PLCG2: variants seen among roughly 807,000 people sequenced by gnomAD.
PLCG2 encodes the protein phospholipase C gamma 2, also known as 1-phosphatidylinositol 4,5-bisphosphate phosphodiesterase gamma-2.
PLCG2 carries 69 observed loss-of-function variants against 175.6 expected under a neutral mutation model. That is an observed-to-expected ratio of 0.39 (90% CI 0.32 to 0.48). PLCG2 has a LOEUF of 0.48. PLCG2 is among the 20% of genes least tolerant of loss of function. The pLI, the probability that PLCG2 is intolerant of heterozygous loss-of-function variation, is 0.91. For synonymous variants in PLCG2, 827 were observed against 624.0 expected (o/e 1.33, Z -4.85); for missense variants, 1,798 against 1,650.9 (o/e 1.09, Z -1.54).
intron 1 of PLCG2, among the ~76,000 whole-genome samples, chr16:81,750,397 G>A (rs1401325790): frequency 7.0e-6 from 1 of 142,832 alleles, no homozygotes; most frequent in Non-Finnish European, 1.5e-5. Flanking sequence ...TCCAGCCTGG[G>A]TGGTGATAGA....
chr16:81,819,002 A>G lies in PLCG2; in HGVS notation c.193+32820A>G, dbSNP rs547374052. 6.0e-5 allele frequency among the ~76,000 whole-genome samples: 9 copies of G among 149,008 alleles called. No homozygotes were observed. In the South Asian group the frequency reaches 1.9e-3, roughly 31 times the overall value. On this transcript the variant is annotated intron_variant, in intron 2 of 32. Transcript: ENST00000564138. ...CACTGTCATCTTATTTCATCCTTCT[A>G]GGCCCACCATGAGGCAGGTGTAACT... is the stretch of plus-strand genomic sequence containing the variant.
At chr16:81,891,435 A>G (rs757726752) in intron 10 of PLCG2, 37 bp from the exon 11 acceptor site, 4 of 1,130,182 alleles carry the variant, frequency 3.5e-6, no homozygotes, top group Admixed American at 3.4e-5. Flanking sequence ...CCTGCCCGTC[A>G]ACGTGATGAT....
At position 81,921,167 on chromosome 16, in the gene PLCG2, A is replaced by G. The variant is rs759734120; in HGVS notation, c.2236-31A>G. ...AAGGGCTATTCCAGGAGCATGGATTATTCCATTTCTTTCTTTCTTTTTTTT... is the reference window on the plus strand; with the variant it reads ...AAGGGCTATTCCAGGAGCATGGATTGTTCCATTTCTTTCTTTCTTTTTTTT... On this transcript the variant is annotated intron_variant, in intron 20 of 32. Coordinates refer to ENST00000564138, the MANE Select transcript of PLCG2 (RefSeq NM_002661.5). 2.2e-6 allele frequency: 3 copies of G among 1,335,968 alleles called. No homozygotes were observed. The Admixed American group carries it at 5.0e-5, about 22-fold the overall frequency. 82.8% of individuals were successfully genotyped at this position (1,335,968 alleles called of 1,614,324 possible).
intron 1 of PLCG2, among the ~76,000 whole-genome samples, chr16:81,743,865 C>CTT (rs200988694): frequency 2.0e-4 from 29 of 146,740 alleles, no homozygotes; most frequent in East Asian, 1.8e-3. Context: ...TTTTCTTTTT[C>CTT]TTTTTTTTTT....
At chr16:81,749,412 G>C (rs909807458) in intron 1 of PLCG2, among the ~76,000 whole-genome samples, 3 of 152,138 alleles carry the variant, frequency 2.0e-5, no homozygotes, top group African/African-American at 7.2e-5. Flanking sequence ...GAGTGCAGTG[G>C]TGTGATCTTG....
chr16:81,925,453 G>A (rs759029683), intron 22 of PLCG2, among the ~76,000 whole-genome samples: 4 of 142,532 alleles, frequency 2.8e-5, no homozygotes, highest in Admixed American at 1.4e-4. Context: ...GAAATGGTGC[G>A]GGGGGGCGTG....
chr16:81,935,348 C>T (rs1910662992), intron 26 of PLCG2, among the ~76,000 whole-genome samples: 1 of 152,064 alleles, frequency 6.6e-6, no homozygotes, highest in Admixed American at 6.6e-5. Flanking sequence ...TTAATCACAC[C>T]TGCAAAGTCT....
Position 81,908,422 on chromosome 16 carries a change from C to T in PLCG2, c.1564C>T (p.Pro522Ser), listed in dbSNP as rs1231256206. ...TMEEEVPQDI[P>S]PTELHFGEKW... ...TCCTCTCTTTGCGGCCCAGGATATA[C>T]CCCCTACAGAACTACATTTTGGGGA... Residue 522 changes from proline (P) to serine (S), a missense_variant, in exon 17 of 33, where the codon CCC becomes TCC. Physicochemically the swap from Pro to Ser is moderately conservative, Grantham distance 74 (BLOSUM62 -1). Coordinates refer to ENST00000564138, the MANE Select transcript of PLCG2 (RefSeq NM_002661.5). 8 of 1,613,468 alleles carry T rather than the reference C, an allele frequency of 5.0e-6. No homozygotes were observed. Among genetic ancestry groups the T allele is most frequent in the African/African-American group, 1.3e-5 (1 of 74,914 alleles).
chr16:81,753,504 C>T (rs916482060), intron 1 of PLCG2, among the ~76,000 whole-genome samples: 1 of 151,690 alleles, frequency 6.6e-6, no homozygotes, highest in African/African-American at 2.4e-5. Context: ...CTGATGCCTC[C>T]ACCTCCCAGG....
chr16:81,942,843 G>T (rs988580732), intron 30 of PLCG2, among the ~76,000 whole-genome samples: 1 of 152,086 alleles, frequency 6.6e-6, no homozygotes. Context: ...CAGATGCATT[G>T]ATCTTACTTT....
chr16:81,908,335 G>T, intron 16 of PLCG2, 81 bp from the exon 17 acceptor site: 1 of 1,321,580 alleles, frequency 7.6e-7, no homozygotes, highest in Non-Finnish European at 1.1e-6. Context: ...CCCTGGGTCA[G>T]GGTGAGACAG....
chr16:81,917,866 T>C (rs4335765), intron 19 of PLCG2, among the ~76,000 whole-genome samples: 150,587 of 151,928 alleles, frequency 0.99, 74,642 homozygotes, highest in Middle Eastern at 1. Context: ...GGACTACAGG[T>C]GCCCGCCACT....
chr16:81,936,236 G>A lies in PLCG2; in HGVS notation c.2910G>A (p.Lys970=), dbSNP rs746344109. ...AGGCTGACAGCATCATCAGACAGAA[G>A]CCCGTCGACCTCCTGAAGTACAATC... is the stretch of plus-strand genomic sequence containing the variant. The part of the protein sequence containing the change: ...ETKADSIIRQ[K]PVDLLKYNQK... The change falls in exon 27 of 33, where the codon AAG becomes AAA. Residue 970 remains lysine (K), a synonymous_variant. Transcript: ENST00000564138. 11 of 1,614,138 alleles carry A rather than the reference G, an allele frequency of 6.8e-6. No homozygotes were observed. Among genetic ancestry groups the A allele is most frequent in the East Asian group, 2.2e-5 (1 of 44,886 alleles).
intron 5 of PLCG2, among the ~76,000 whole-genome samples, chr16:81,859,779 G>T (rs533551034): frequency 6.6e-6 from 1 of 152,052 alleles, no homozygotes. Flanking sequence ...CTTGTGATCC[G>T]CCCACCTTGG....
At chr16:81,932,109 G>A (rs8050528) in intron 25 of PLCG2, among the ~76,000 whole-genome samples, 147 of 152,292 alleles carry the variant, frequency 9.7e-4, no homozygotes, top group African/African-American at 3.4e-3. Flanking sequence ...CTTTCCGGTG[G>A]AGGAACTTCC....
chr16:81,894,654 C>G (rs1317551971), intron 12 of PLCG2, among the ~76,000 whole-genome samples: 1 of 152,144 alleles, frequency 6.6e-6, no homozygotes, highest in East Asian at 1.9e-4. Context: ...GGGCGGATCA[C>G]TTGAGATCAG....
chr16:81,873,443 A>G (rs963311626), intron 7 of PLCG2, among the ~76,000 whole-genome samples: 6 of 152,242 alleles, frequency 3.9e-5, no homozygotes, highest in Non-Finnish European at 8.8e-5. Flanking sequence ...TCATAGAATA[A>G]TGATGACAGT....
intron 26 of PLCG2, chr16:81,935,774 A>C (rs1393026263): frequency 1.0e-6 from 1 of 985,078 alleles, no homozygotes; most frequent in African/African-American, 1.8e-5. Context: ...GGTGATTCTC[A>C]GTTTGTTCAT....
In PLCG2 at chr16:81,934,426, C is replaced by T; in HGVS notation, c.2740-3C>T. 2 of 1,598,864 alleles carry T rather than the reference C, an allele frequency of 1.3e-6. No homozygotes were observed. The highest frequency in any genetic ancestry group is 1.7e-6 in the Non-Finnish European group (2 of 1,166,568). On this transcript the variant is annotated splice_region_variant and splice_polypyrimidine_tract_variant and intron_variant, in intron 25 of 32. Transcript: ENST00000564138. ...GGCACTAAAGACAGTGAACTCCAAA[C>T]AGGAGAACAACATGAAGTACTGGGA...
Sources: allele counts gnomAD v4.1 joint callset (sites outside exome capture counted in the v4.1 genomes callset), GRCh38; gene constraint gnomAD v4.1.1; transcripts MANE v1.5; gene names NCBI Gene and HGNC (gene_info 2026-07-23, HGNC 2026-07-21).